Variants in DACH1 observed in about 807,000 individuals in gnomAD.
The protein encoded by DACH1 is dachshund family transcription factor 1, also known as dachshund homolog 1.
DACH1 carries 12 observed loss-of-function variants against 54.2 expected under a neutral mutation model. That is an observed-to-expected ratio of 0.22 (90% CI 0.14 to 0.36). The LOEUF (loss-of-function observed/expected upper bound fraction) is 0.36. Among genes scored for constraint, DACH1 ranks in the 10% least tolerant of loss-of-function variants. The pLI, the probability that DACH1 is intolerant of heterozygous loss-of-function variation, is 1.00. For synonymous variants in DACH1, 386 were observed against 366.2 expected, an observed-to-expected ratio of 1.05 and a Z score of -0.62; for missense variants, 805 against 929.8, an observed-to-expected ratio of 0.87 and a Z score of 1.75.
At chr13:71,737,527 A>C (rs1346666699) in intron 1 of DACH1, among the ~76,000 whole-genome samples, 1 of 152,240 alleles carries the variant, frequency 6.6e-6, no homozygotes, top group Non-Finnish European at 1.5e-5. Flanking sequence ...GAATGCAATC[A>C]ATCTGGAAAT....
chr13:71,595,524 G>A (rs1212268995), intron 3 of DACH1, among the ~76,000 whole-genome samples: 1 of 152,110 alleles, frequency 6.6e-6, no homozygotes, highest in African/African-American at 2.4e-5. Context: ...TGGATCTGTG[G>A]ATATGTTAGA....
chr13:71,669,646 C>A (rs550453402), intron 2 of DACH1, among the ~76,000 whole-genome samples: 1 of 152,120 alleles, frequency 6.6e-6, no homozygotes, highest in South Asian at 2.1e-4. Context: ...CTGCTGCATT[C>A]GCTTACTATG....
chr13:71,496,449 A>T (rs1879450088), intron 6 of DACH1, among the ~76,000 whole-genome samples: 2 of 151,500 alleles, frequency 1.3e-5, no homozygotes, highest in South Asian at 4.2e-4. Flanking sequence ...CATTATCTTA[A>T]AACAAGTCAG....
intron 1 of DACH1, among the ~76,000 whole-genome samples, chr13:71,773,006 A>G (rs913300099): frequency 6.6e-6 from 1 of 151,918 alleles, no homozygotes; most frequent in African/African-American, 2.4e-5. Context: ...ATGCTTTATA[A>G]TGATACTACA....
At chr13:71,856,775 G>C (rs1254605984) in intron 1 of DACH1, among the ~76,000 whole-genome samples, 1 of 151,864 alleles carries the variant, frequency 6.6e-6, no homozygotes, top group Non-Finnish European at 1.5e-5. Context: ...TATTGAGAAA[G>C]TAATTGATTT....
intron 6 of DACH1, among the ~76,000 whole-genome samples, chr13:71,537,338 A>G (rs897451560): frequency 2.0e-5 from 3 of 152,122 alleles, no homozygotes; most frequent in Admixed American, 6.6e-5. Flanking sequence ...CCTAGCTACT[A>G]TCACATTTCC....
At chr13:71,501,863 A>T (rs531925813) in intron 6 of DACH1, among the ~76,000 whole-genome samples, 1 of 152,256 alleles carries the variant, frequency 6.6e-6, no homozygotes, top group East Asian at 1.9e-4. Context: ...TAATCCTTAC[A>T]ACAATTCTGT....
chr13:71,801,434 C>A (rs1208065552), intron 1 of DACH1, among the ~76,000 whole-genome samples: 1 of 151,982 alleles, frequency 6.6e-6, no homozygotes, highest in African/African-American at 2.4e-5. Context: ...TATTTTATAC[C>A]TCTGCTCAAA....
At chr13:71,692,010 TACACAC>T (rs34800453) in intron 1 of DACH1, among the ~76,000 whole-genome samples, 2,143 of 140,090 alleles carry the variant, frequency 0.015, 36 homozygotes, top group African/African-American at 0.038. Context: ...AGCCCCCCAT[TACACAC>T]ACACACACAC....
At chr13:71,758,931 CT>C (rs71751089) in intron 1 of DACH1, among the ~76,000 whole-genome samples, 20,498 of 145,626 alleles carry the variant, frequency 0.14, 2,282 homozygotes, top group East Asian at 0.57. Flanking sequence ...CAGTCTTTGT[CT>C]TTTTTTTTTT....
At chr13:71,551,121 A>C (rs1883787322) in intron 6 of DACH1, among the ~76,000 whole-genome samples, 1 of 152,192 alleles carries the variant, frequency 6.6e-6, no homozygotes, top group African/African-American at 2.4e-5. Flanking sequence ...AATTTGAATA[A>C]GATCTATTTA....
intron 1 of DACH1, among the ~76,000 whole-genome samples, chr13:71,785,508 T>C (rs918518451): frequency 6.6e-5 from 10 of 152,198 alleles, no homozygotes; most frequent in African/African-American, 2.2e-4. Context: ...CCTGATGCTG[T>C]TTTTAATGAC....
intron 3 of DACH1, among the ~76,000 whole-genome samples, chr13:71,574,726 G>T (rs891301848): frequency 6.6e-6 from 1 of 151,844 alleles, no homozygotes; most frequent in African/African-American, 2.4e-5. Context: ...ACAATGAAAA[G>T]AATCAATTAA....
chr13:71,817,870 A>G lies in DACH1; in HGVS notation c.848+48052T>C, dbSNP rs186395764. ...CGCTCTGTCACCCAGGCTGGAGTGC[A>G]CTGGCATGATCTCGGCTCACTGCAA... On this transcript the variant is annotated intron_variant, in intron 1 of 10. Coordinates refer to ENST00000613252, the MANE Select transcript of DACH1 (RefSeq NM_080759.6). Among the ~76,000 whole-genome samples, 115 of 133,734 alleles carry G rather than the reference A, an allele frequency of 8.6e-4. 1 individual carries two copies. The East Asian group carries it at 0.022, about 26-fold the overall frequency. 87.7% of individuals were successfully genotyped at this position (133,734 alleles called of 152,430 possible).
chr13:71,817,163 G>A lies in DACH1; in HGVS notation c.848+48759C>T, dbSNP rs1354838658. On this transcript the variant is annotated intron_variant, in intron 1 of 10. Transcript: ENST00000613252. ...AAAATAAGACATATAAAGGAGAAAG[G>A]AAATATATAATGTTAGAACTGGAAA... Among the ~76,000 whole-genome samples the A allele has an allele frequency of 2.0e-5, 3 of 152,006 alleles. No homozygotes were observed. The South Asian group carries it at 6.3e-4, about 32-fold the overall frequency.
intron 3 of DACH1, among the ~76,000 whole-genome samples, chr13:71,596,702 G>C (rs927601871): frequency 2.0e-5 from 3 of 152,168 alleles, no homozygotes; most frequent in African/African-American, 7.2e-5. Context: ...ACAAAGCACT[G>C]TAGGTGAAGA....
At chr13:71,677,154 T>C (rs1852327821) in intron 2 of DACH1, among the ~76,000 whole-genome samples, 1 of 152,180 alleles carries the variant, frequency 6.6e-6, no homozygotes, top group South Asian at 2.1e-4. Flanking sequence ...ATAACCCCTT[T>C]CTTAATTTTA....
intron 2 of DACH1, among the ~76,000 whole-genome samples, chr13:71,649,600 A>T (rs890971944): frequency 6.6e-6 from 1 of 152,208 alleles, no homozygotes; most frequent in Non-Finnish European, 1.5e-5. Flanking sequence ...ACTAATTTCC[A>T]TAACAAACAC....
chr13:71,715,839 C>T (rs892186556), intron 1 of DACH1, among the ~76,000 whole-genome samples: 1 of 151,966 alleles, frequency 6.6e-6, no homozygotes, highest in Non-Finnish European at 1.5e-5. Context: ...CAAATAATTT[C>T]ATATCAGCTT....
Sources: allele counts gnomAD v4.1 joint callset (sites outside exome capture counted in the v4.1 genomes callset), GRCh38; gene constraint gnomAD v4.1.1; transcripts MANE v1.5; gene names NCBI Gene and HGNC (gene_info 2026-07-23, HGNC 2026-07-21).